DEPDC1B: variants seen among roughly 807,000 people sequenced by gnomAD.
DEPDC1B encodes DEP domain-containing protein 1B.
DEPDC1B carries 51 observed loss-of-function variants against 66.5 expected under a neutral mutation model. That is an observed-to-expected ratio of 0.77 (90% CI 0.61 to 0.97). DEPDC1B has a LOEUF of 0.97. DEPDC1B is among the 50% of genes least tolerant of loss of function. The pLI, the probability that DEPDC1B is intolerant of heterozygous loss-of-function variation, is 0.00. For synonymous variants in DEPDC1B, 226 were observed against 223.6 expected, an observed-to-expected ratio of 1.01 and a Z score of -0.10; for missense variants, 552 against 637.1, an observed-to-expected ratio of 0.87 and a Z score of 1.44.
chr5:60,686,851 C>T, intron 2 of DEPDC1B, 111 bp downstream of exon 2: 1 of 1,338,752 alleles, frequency 7.5e-7, no homozygotes, highest in Non-Finnish European at 1.0e-6. Context: ...ACTAGACCCA[C>T]TGTTCAGTGA....
At chr5:60,639,097 T>C (rs1753127653) in intron 6 of DEPDC1B, among the ~76,000 whole-genome samples, 1 of 152,232 alleles carries the variant, frequency 6.6e-6, no homozygotes, top group East Asian at 1.9e-4. Flanking sequence ...TACACAAATA[T>C]GCTTTATGTC....
At chr5:60,621,460 C>T (rs1199187444) in intron 7 of DEPDC1B, among the ~76,000 whole-genome samples, 1 of 151,908 alleles carries the variant, frequency 6.6e-6, no homozygotes, top group Non-Finnish European at 1.5e-5. Context: ...AACCAAACAC[C>T]TCATATTCTC....
At chr5:60,643,218 G>C (rs180821361) in intron 5 of DEPDC1B, among the ~76,000 whole-genome samples, 1 of 152,182 alleles carries the variant, frequency 6.6e-6, no homozygotes, top group East Asian at 1.9e-4. Flanking sequence ...AATATTAGTC[G>C]TCAAACACAT....
chr5:60,680,612 C>A (rs1354036595), intron 2 of DEPDC1B, among the ~76,000 whole-genome samples: 3 of 152,146 alleles, frequency 2.0e-5, no homozygotes, highest in Admixed American at 2.0e-4. Flanking sequence ...AGGTAGCTTT[C>A]TCTAACAAAT....
Position 60,700,121 on chromosome 5 carries a change from G to A in DEPDC1B, c.-28C>T, listed in dbSNP as rs568058297. On this transcript the variant is annotated 5_prime_UTR_variant, in exon 1 of 11. Coordinates refer to ENST00000265036, the MANE Select transcript of DEPDC1B (RefSeq NM_018369.3). ...CGCGTAGGCAGCAGCGGCCGCAGCC[G>A]CGCCAGCGCTGATCCCCGCCAGCCG... 7.8e-6 allele frequency: 12 copies of A among 1,538,580 alleles called. No homozygotes were observed. Among genetic ancestry groups the A allele is most frequent in the Non-Finnish European group, 1.0e-5 (12 of 1,145,022 alleles).
At chr5:60,658,161 T>C (rs770694177) in intron 2 of DEPDC1B, among the ~76,000 whole-genome samples, 22 of 152,224 alleles carry the variant, frequency 1.4e-4, no homozygotes, top group Admixed American at 9.2e-4. Flanking sequence ...TTTTTATTTA[T>C]GCTATCTGTT....
intron 7 of DEPDC1B, among the ~76,000 whole-genome samples, chr5:60,619,694 T>C (rs1006793529): frequency 9.9e-5 from 15 of 152,252 alleles, no homozygotes; most frequent in African/African-American, 3.4e-4. Flanking sequence ...GAATCAATAT[T>C]GTGAAAATGG....
chr5:60,616,382 TA>T (rs1752555215), intron 7 of DEPDC1B, among the ~76,000 whole-genome samples: 1 of 151,922 alleles, frequency 6.6e-6, no homozygotes, highest in Admixed American at 6.6e-5. Flanking sequence ...GCAAAGAAGT[TA>T]AAAACCTTGA....
intron 1 of DEPDC1B, among the ~76,000 whole-genome samples, chr5:60,696,968 T>C (rs931726172): frequency 6.6e-6 from 1 of 152,234 alleles, no homozygotes; most frequent in Admixed American, 6.5e-5. Flanking sequence ...CCTCGTTGTG[T>C]GATCTTGCCA....
chr5:60,671,383 G>A (rs1300711226), intron 2 of DEPDC1B, among the ~76,000 whole-genome samples: 1 of 152,174 alleles, frequency 6.6e-6, no homozygotes, highest in Non-Finnish European at 1.5e-5. Flanking sequence ...TTCCCTCCAA[G>A]AAGCCAACAG....
chr5:60,636,430 C>T (rs1319287353), intron 7 of DEPDC1B, among the ~76,000 whole-genome samples: 1 of 152,184 alleles, frequency 6.6e-6, no homozygotes, highest in Non-Finnish European at 1.5e-5. Flanking sequence ...CTAAGCTGAA[C>T]ATCACTTCCA....
intron 2 of DEPDC1B, among the ~76,000 whole-genome samples, chr5:60,672,589 G>T (rs1220746180): frequency 6.6e-6 from 1 of 152,144 alleles, no homozygotes; most frequent in East Asian, 1.9e-4. Flanking sequence ...CCTGACATGT[G>T]GGGATTACAA....
chr5:60,638,147 T>C (rs1179944764), intron 7 of DEPDC1B, among the ~76,000 whole-genome samples: 3 of 152,198 alleles, frequency 2.0e-5, no homozygotes, highest in Admixed American at 2.0e-4. Flanking sequence ...AAAATCTGAT[T>C]TCCAAGAAGA....
intron 8 of DEPDC1B, among the ~76,000 whole-genome samples, chr5:60,604,346 G>A (rs763482076): frequency 1.4e-5 from 2 of 146,116 alleles, no homozygotes; most frequent in African/African-American, 2.5e-5. Context: ...CCAGCCTCCC[G>A]AGTAGCTGGG....
chr5:60,688,602 T>C (rs1478561753), intron 1 of DEPDC1B, among the ~76,000 whole-genome samples: 2 of 152,192 alleles, frequency 1.3e-5, no homozygotes, highest in Non-Finnish European at 2.9e-5. Context: ...GCTGCTGTAT[T>C]TATTAATATT....
At chr5:60,670,454 C>G (rs571199098) in intron 2 of DEPDC1B, among the ~76,000 whole-genome samples, 28 of 152,132 alleles carry the variant, frequency 1.8e-4, no homozygotes, top group South Asian at 8.3e-4. Flanking sequence ...AGATTAAGCA[C>G]CTAAATATAT....
chr5:60,598,476 G>A (rs536348514), intron 10 of DEPDC1B, among the ~76,000 whole-genome samples: 1 of 152,044 alleles, frequency 6.6e-6, no homozygotes, highest in South Asian at 2.1e-4. Flanking sequence ...ATCCAACTAT[G>A]TAGAGTTCAG....
intron 7 of DEPDC1B, among the ~76,000 whole-genome samples, chr5:60,621,251 C>T (rs934270676): frequency 2.6e-5 from 4 of 151,192 alleles, no homozygotes; most frequent in East Asian, 3.9e-4. Context: ...AACAAACCTG[C>T]ATGTTGTGCA....
chr5:60,606,005 T>C (rs949193381), intron 7 of DEPDC1B, 149 bp from the exon 8 acceptor site: 25 of 645,264 alleles, frequency 3.9e-5, no homozygotes, highest in Non-Finnish European at 6.0e-5. Context: ...TATAGATCCA[T>C]TGTCACTCAC....
Sources: allele counts gnomAD v4.1 joint callset (sites outside exome capture counted in the v4.1 genomes callset), GRCh38; gene constraint gnomAD v4.1.1; transcripts MANE v1.5; gene names NCBI Gene and HGNC (gene_info 2026-07-23, HGNC 2026-07-21).